Variants in SLC25A12 observed in about 807,000 individuals in gnomAD.
SLC25A12 encodes the protein solute carrier family 25 member 12, also known as electrogenic aspartate/glutamate antiporter SLC25A12, mitochondrial.
A neutral mutation model predicts 83.3 loss-of-function variants in SLC25A12; 32 were observed. That is an observed-to-expected ratio of 0.38 (90% CI 0.29 to 0.52). The LOEUF (loss-of-function observed/expected upper bound fraction) is 0.52. Among genes scored for constraint, SLC25A12 ranks in the 20% least tolerant of loss-of-function variants. The pLI, the probability that SLC25A12 is intolerant of heterozygous loss-of-function variation, is 0.84. For synonymous variants in SLC25A12, 267 were observed against 291.1 expected (o/e 0.92, Z 0.84); for missense variants, 611 against 835.6 (o/e 0.73, Z 3.31).
rs1448075473 is a variant in SLC25A12, at chr2:171,866,488, G to C, written c.209+2193C>G. On this transcript the variant is annotated intron_variant, in intron 3 of 17. Transcript: ENST00000422440. ...TGACCCCCCACCTCCCTCCCGGACG[G>C]GGTGGCTGGCCGGGCAGAGGGGCTC... 2.5e-3 allele frequency among the ~76,000 whole-genome samples: 365 copies of C among 148,886 alleles called. 1 individual carries two copies. Among genetic ancestry groups the C allele is most frequent in the African/African-American group, 8.2e-3 (334 of 40,494 alleles).
chr2:171,857,557 T>C (rs2138873), intron 3 of SLC25A12, among the ~76,000 whole-genome samples: 117,125 of 151,744 alleles, frequency 0.77, 46,243 homozygotes, highest in East Asian at 0.89. Flanking sequence ...TGGTGGTGTG[T>C]ACCTGTAGTA....
chr2:171,816,003 T>A (rs2105865959), intron 9 of SLC25A12, among the ~76,000 whole-genome samples: 1 of 151,440 alleles, frequency 6.6e-6, no homozygotes, highest in South Asian at 2.1e-4. Flanking sequence ...AATTATAGAA[T>A]GAGATAAATA....
At chr2:171,829,897 G>C (rs989452879) in intron 8 of SLC25A12, among the ~76,000 whole-genome samples, 9 of 152,122 alleles carry the variant, frequency 5.9e-5, no homozygotes, top group African/African-American at 2.2e-4. Flanking sequence ...GATCCTAACT[G>C]GGACTATAAC....
At chr2:171,794,555 A>T (rs1460571834) in intron 13 of SLC25A12, among the ~76,000 whole-genome samples, 2 of 151,926 alleles carry the variant, frequency 1.3e-5, no homozygotes, top group Admixed American at 6.5e-5. Flanking sequence ...GGATAATGAG[A>T]GTATATTTGC....
Position 171,793,690 on chromosome 2 carries a change from G to T in SLC25A12, c.1383C>A (p.Thr461=). The change falls in exon 14 of 18, where the codon ACC becomes ACA. Residue 461 remains threonine (T), a synonymous_variant. Coordinates refer to ENST00000422440, the MANE Select transcript of SLC25A12 (RefSeq NM_003705.5). ...KIRLQVAGEI[T]TGPRVSALNV... ...TCAGGGCGCTGACTCTGGGTCCCGT[G>T]GTGATCTCTCCAGCTACTTGCAGAC... The T allele has an allele frequency of 6.2e-7, 1 of 1,614,116 alleles. No individual in the cohort carries two copies. The highest frequency in any genetic ancestry group is 8.5e-7 in the Non-Finnish European group (1 of 1,180,016).
chr2:171,865,588 G>A (rs916655841), intron 3 of SLC25A12, among the ~76,000 whole-genome samples: 4 of 151,964 alleles, frequency 2.6e-5, no homozygotes, highest in Non-Finnish European at 5.9e-5. Context: ...TTGAACCCAG[G>A]AGGTGGAGGT....
At chr2:171,841,492 C>T (rs2105892913) in intron 5 of SLC25A12, among the ~76,000 whole-genome samples, 1 of 152,226 alleles carries the variant, frequency 6.6e-6, no homozygotes, top group East Asian at 1.9e-4. Context: ...TCCCACCTCA[C>T]CTCCTGAGTA....
chr2:171,885,898 C>T (rs2105931560), intron 2 of SLC25A12, among the ~76,000 whole-genome samples: 1 of 152,324 alleles, frequency 6.6e-6, no homozygotes, highest in South Asian at 2.1e-4. Context: ...TACTCACTTG[C>T]TCAAAGCTTA....
At chr2:171,839,923 T>G (rs1012125998) in intron 5 of SLC25A12, among the ~76,000 whole-genome samples, 2 of 152,178 alleles carry the variant, frequency 1.3e-5, no homozygotes, top group Non-Finnish European at 2.9e-5. Flanking sequence ...GCCTCCACCC[T>G]TTCCCAACCT....
chr2:171,880,602 G>C (rs1420229047), intron 2 of SLC25A12, among the ~76,000 whole-genome samples: 1 of 152,152 alleles, frequency 6.6e-6, no homozygotes, highest in Non-Finnish European at 1.5e-5. Context: ...ACATGTGTGG[G>C]TTTGTTACAA....
chr2:171,878,308 G>A lies in SLC25A12; in HGVS notation c.67-9485C>T, dbSNP rs74694243. Among the ~76,000 whole-genome samples, 10 of 152,304 alleles carry A rather than the reference G, an allele frequency of 6.6e-5. No individual in the cohort carries two copies. In the East Asian group the frequency reaches 1.7e-3, roughly 26 times the overall value. Reference sequence around the variant, plus strand: ...GGAGTCTCTTCTTTAACAAGGGTTTGCAGAAAAATTGCTGTCCTATTGTGA... The same window carrying A: ...GGAGTCTCTTCTTTAACAAGGGTTTACAGAAAAATTGCTGTCCTATTGTGA... On this transcript the variant is annotated intron_variant, in intron 2 of 17. Transcript: ENST00000422440.
chr2:171,805,979 T>C (rs1683816616), intron 13 of SLC25A12, among the ~76,000 whole-genome samples: 1 of 151,634 alleles, frequency 6.6e-6, no homozygotes, highest in Non-Finnish European at 1.5e-5. Context: ...GATGGTGGCA[T>C]GCACCTGTAG....
At chr2:171,796,191 C>T (rs1336954622) in intron 13 of SLC25A12, among the ~76,000 whole-genome samples, 2 of 152,376 alleles carry the variant, frequency 1.3e-5, no homozygotes, top group Admixed American at 6.5e-5. Flanking sequence ...AAGCGATCCA[C>T]TCGCCTTGGC....
At chr2:171,805,076 T>C (rs1273694083) in intron 13 of SLC25A12, among the ~76,000 whole-genome samples, 1 of 151,426 alleles carries the variant, frequency 6.6e-6, no homozygotes, top group Non-Finnish European at 1.5e-5. Context: ...TCAATAAAGC[T>C]GTTATTTTTT....
intron 2 of SLC25A12, 21 bp downstream of exon 2, chr2:171,893,184 A>C: frequency 1.2e-6 from 2 of 1,610,654 alleles, no homozygotes; most frequent in Non-Finnish European, 1.7e-6. Context: ...AATGAAAGGC[A>C]CACTATGCAA....
At chr2:171,786,576 G>A (rs1296232637) in intron 17 of SLC25A12, among the ~76,000 whole-genome samples, 1 of 152,082 alleles carries the variant, frequency 6.6e-6, no homozygotes, top group Non-Finnish European at 1.5e-5. Context: ...TGGGCACAGA[G>A]GAGTTCACAG....
chr2:171,879,305 A>T (rs1355545988), intron 2 of SLC25A12, among the ~76,000 whole-genome samples: 1 of 152,192 alleles, frequency 6.6e-6, no homozygotes, highest in Admixed American at 6.5e-5. Flanking sequence ...TTGCTAAAAA[A>T]ATATTATTCA....
intron 2 of SLC25A12, among the ~76,000 whole-genome samples, chr2:171,888,101 T>TC (rs1685860063): frequency 1.3e-5 from 2 of 151,042 alleles, no homozygotes; most frequent in African/African-American, 4.8e-5. Context: ...TTCCTTTTTT[T>TC]TTTTTTTTTT....
At chr2:171,826,233 C>T (rs1053255657) in intron 9 of SLC25A12, among the ~76,000 whole-genome samples, 11 of 152,086 alleles carry the variant, frequency 7.2e-5, no homozygotes, top group Non-Finnish European at 2.9e-5. Flanking sequence ...GGGGTCAAAC[C>T]CATGTATGTT....
Sources: gnomAD v4.1 joint callset for allele counts (sites outside exome capture counted in the v4.1 genomes callset) on GRCh38, gnomAD v4.1.1 for gene constraint, MANE v1.5 for transcripts, NCBI Gene and HGNC (gene_info 2026-07-23, HGNC 2026-07-21) for gene names.